Variants in ZNF486 observed in about 807,000 individuals in gnomAD.
The protein encoded by ZNF486 is zinc finger protein 486.
A neutral mutation model predicts 12.8 loss-of-function variants in ZNF486; 12 were observed. The ratio of observed to expected loss-of-function variants is 0.94; its 90% CI spans 0.60 to 1.52. ZNF486 has a LOEUF of 1.52. Among genes scored for constraint, ZNF486 ranks in the 40% most tolerant of loss-of-function variants. The probability of loss-of-function intolerance (pLI) is 0.00; values close to 1 mark genes in which losing one functional copy is unlikely to be tolerated. For synonymous variants in ZNF486, 231 were observed against 184.9 expected, an observed-to-expected ratio of 1.25 and a Z score of -2.02; for missense variants, 738 against 545.0, an observed-to-expected ratio of 1.35 and a Z score of -3.53.
chr19:20,181,183 G>A (rs2089780376), intron 1 of ZNF486, among the ~76,000 whole-genome samples: 1 of 152,116 alleles, frequency 6.6e-6, no homozygotes, highest in African/African-American at 2.4e-5. Context: ...AGTTTTGGCT[G>A]GTGAATCCTG....
intron 1 of ZNF486, chr19:20,175,400 A>G (rs539823403): frequency 2.1e-5 from 3 of 141,800 alleles, no homozygotes; most frequent in East Asian, 2.2e-4. Flanking sequence ...GCAGGGTCAT[A>G]GGACAACAGT....
At chr19:20,177,847 A>ATT (rs2089738539) in intron 1 of ZNF486, among the ~76,000 whole-genome samples, 2 of 151,664 alleles carry the variant, frequency 1.3e-5, no homozygotes, top group Non-Finnish European at 2.9e-5. Context: ...AAGTGCTGGG[A>ATT]TTACAGGCAC....
intron 1 of ZNF486, among the ~76,000 whole-genome samples, chr19:20,182,930 T>A (rs1465750535): frequency 6.6e-6 from 1 of 152,140 alleles, no homozygotes; most frequent in Non-Finnish European, 1.5e-5. Context: ...CTTCTTAAGG[T>A]AAACGTGTCT....
intron 1 of ZNF486, chr19:20,175,152 G>A (rs1309385900): frequency 2.0e-5 from 3 of 152,134 alleles, no homozygotes; most frequent in African/African-American, 7.2e-5. Context: ...TCTTCATAAT[G>A]CTCATGTTTC....
intron 3 of ZNF486, 90 bp from the exon 4 acceptor site, chr19:20,196,874 G>C: frequency 7.0e-7 from 1 of 1,427,658 alleles, no homozygotes; most frequent in Non-Finnish European, 9.3e-7. Flanking sequence ...TCTTGCTTAT[G>C]TAGTTTGTAT....
At chr19:20,167,400 C>G (rs1555713174) in intron 1 of ZNF486, 40 bp downstream of exon 1, 2 of 1,606,218 alleles carry the variant, frequency 1.2e-6, no homozygotes, top group Admixed American at 3.4e-5. Context: ...AGGGGAGGGA[C>G]TGGTTGATGG....
chr19:20,198,322 C>T lies in ZNF486; in HGVS notation c.*220C>T. The T allele has an allele frequency of 2.0e-6, 1 of 497,040 alleles. No individual in the cohort carries two copies. Among genetic ancestry groups the T allele is most frequent in the East Asian group, 3.6e-5 (1 of 27,580 alleles). The allele number at this position is 497,040 out of a possible 1,614,324, so 30.8% of individuals were successfully genotyped here. A position where few individuals can be genotyped will look rare whatever the true frequency, so the allele number is the denominator to read the frequency against. On this transcript the variant is annotated 3_prime_UTR_variant, in exon 4 of 4. Transcript: ENST00000335117. ...TTCTCCATGTTGGTCAGGCTGGTCT[C>T]AATCTCCTAACCTCAGGTGGTCTGC...
In ZNF486 at chr19:20,178,958, T is replaced by G. The variant is rs187082555; in HGVS notation, c.31-5398T>G. Among the ~76,000 whole-genome samples, 247 of 152,358 alleles carry G rather than the reference T, an allele frequency of 1.6e-3. 5 individuals are homozygous for G. Among genetic ancestry groups the G allele is most frequent in the Middle Eastern group, 0.01 (3 of 294 alleles). Reference sequence around the variant, plus strand: ...TTTCACCTTCCTCCTCTTGCTAAAATGCTCACAAATGTGCAGGTAACACCT... The same window carrying G: ...TTTCACCTTCCTCCTCTTGCTAAAAGGCTCACAAATGTGCAGGTAACACCT... On this transcript the variant is annotated intron_variant, in intron 1 of 3. Transcript: ENST00000335117.
chr19:20,184,648 G>A (rs890135324), intron 2 of ZNF486, among the ~76,000 whole-genome samples, 166 bp downstream of exon 2: 1 of 152,146 alleles, frequency 6.6e-6, no homozygotes, highest in African/African-American at 2.4e-5. Context: ...TCTTCAAGAT[G>A]TTTCATCTTA....
At chr19:20,186,784 G>GTTTTT (rs57907168) in intron 3 of ZNF486, among the ~76,000 whole-genome samples, 78 of 122,456 alleles carry the variant, frequency 6.4e-4, no homozygotes, top group African/African-American at 2.0e-3. Flanking sequence ...ATTTTCATAG[G>GTTTTT]TTTTTTTTTT....
At chr19:20,167,852 A>G (rs888154564) in intron 1 of ZNF486, among the ~76,000 whole-genome samples, 17 of 151,440 alleles carry the variant, frequency 1.1e-4, no homozygotes, top group African/African-American at 3.9e-4. Context: ...TAGGACAACT[A>G]AATTCCTCTT....
At chr19:20,179,205 TTAAAC>T (rs1480524111) in intron 1 of ZNF486, among the ~76,000 whole-genome samples, 1 of 152,166 alleles carries the variant, frequency 6.6e-6, no homozygotes, top group Non-Finnish European at 1.5e-5. Flanking sequence ...TGACTATAAA[TTAAAC>T]TAATGATGCC....
chr19:20,176,685 C>T (rs558611715), intron 1 of ZNF486: 79 of 156,446 alleles, frequency 5.0e-4, no homozygotes, highest in Admixed American at 6.5e-4. Context: ...ACCAGTCAGG[C>T]GTGGCGGCGC....
chr19:20,180,272 A>G (rs376970117), intron 1 of ZNF486, among the ~76,000 whole-genome samples: 7 of 152,178 alleles, frequency 4.6e-5, no homozygotes, highest in East Asian at 1.9e-4. Flanking sequence ...CCCAGATCAG[A>G]GTTTCTCCAG....
Position 20,197,632 on chromosome 19 carries a change from ACT to A in ZNF486, c.925_926del (p.Leu309PhefsTer4), listed in dbSNP as rs1568328673. 6.2e-7 allele frequency: 1 copy of A among 1,613,592 alleles called. No homozygotes were observed. The highest frequency in any genetic ancestry group is 1.1e-5 in the South Asian group (1 of 91,048). The part of the protein sequence containing the change: ...ECDKAFNHPA[T>X]LSSHKKIHTG... ...TGACAAAGCTTTTAACCATCCTGCA[ACT>A]CTTTCTTCACATAAGAAAATTCATA... On this transcript the variant is annotated frameshift_variant, in exon 4 of 4. Coordinates refer to ENST00000335117, the MANE Select transcript of ZNF486 (RefSeq NM_052852.4). LOFTEE classifies it low-confidence loss of function (END_TRUNC).
At chr19:20,170,470 G>A (rs553584661) in intron 1 of ZNF486, among the ~76,000 whole-genome samples, 135 of 152,060 alleles carry the variant, frequency 8.9e-4, no homozygotes, top group African/African-American at 3.0e-3. Context: ...GGGAGGCTGA[G>A]GCAGGAGAAT....
chr19:20,172,495 C>T (rs2089659526), intron 1 of ZNF486, among the ~76,000 whole-genome samples: 1 of 151,804 alleles, frequency 6.6e-6, no homozygotes, highest in African/African-American at 2.4e-5. Context: ...AAGGGGGTTT[C>T]ACCATGTTGG....
intron 1 of ZNF486, among the ~76,000 whole-genome samples, chr19:20,174,291 G>A (rs782565442): frequency 7.2e-5 from 11 of 152,144 alleles, no homozygotes; most frequent in Non-Finnish European, 1.6e-4. Context: ...GTTGTGCCTG[G>A]CTTTCTATTT....
At chr19:20,187,555 G>A (rs1360202213) in intron 3 of ZNF486, among the ~76,000 whole-genome samples, 1 of 141,678 alleles carries the variant, frequency 7.1e-6, no homozygotes, top group African/African-American at 2.7e-5. Flanking sequence ...AGGCTGCAGT[G>A]CAGTGGTGCA....
Sources: allele counts gnomAD v4.1 joint callset (sites outside exome capture counted in the v4.1 genomes callset), GRCh38; gene constraint gnomAD v4.1.1; transcripts MANE v1.5; gene names NCBI Gene and HGNC (gene_info 2026-07-23, HGNC 2026-07-21).